KAZN: variants seen among roughly 807,000 people sequenced by gnomAD.
KAZN encodes the protein kazrin, periplakin interacting protein.
A neutral mutation model predicts 87.4 loss-of-function variants in KAZN; 40 were observed. That is an observed-to-expected ratio of 0.46 (90% confidence interval 0.36 to 0.60). The LOEUF is 0.60. Ranked by LOEUF, KAZN falls within the 20% of genes least tolerant of loss-of-function variation. KAZN has a pLI of 0.00. For synonymous variants in KAZN, 466 were observed against 458.3 expected (o/e 1.02, Z -0.22); for missense variants, 898 against 1,073.9 (o/e 0.84, Z 2.29).
chr1:14,841,816 C>T (rs144894843), intron 1 of KAZN, among the ~76,000 whole-genome samples: 5 of 152,308 alleles, frequency 3.3e-5, no homozygotes, highest in South Asian at 2.1e-4. Flanking sequence ...GGCAATGGAT[C>T]GGACCTGCCT....
At chr1:14,165,733 G>A (rs1645811496) in intron 1 of KAZN, among the ~76,000 whole-genome samples, 1 of 152,178 alleles carries the variant, frequency 6.6e-6, no homozygotes, top group African/African-American at 2.4e-5. Flanking sequence ...CCCTGAGCAA[G>A]AACTGTTCCT....
At chr1:14,854,860 A>G (rs559272916) in intron 1 of KAZN, among the ~76,000 whole-genome samples, 81 of 152,340 alleles carry the variant, frequency 5.3e-4, no homozygotes, top group Middle Eastern at 3.4e-3. Flanking sequence ...GGCCGAATTC[A>G]GGATGGCAGA....
intron 3 of KAZN, among the ~76,000 whole-genome samples, chr1:15,037,954 C>T (rs1672506768): frequency 1.3e-5 from 2 of 152,120 alleles, no homozygotes; most frequent in Middle Eastern, 3.2e-3. Context: ...GAGGACAGAT[C>T]AGGATTTAGA....
intron 1 of KAZN, among the ~76,000 whole-genome samples, chr1:14,013,491 G>T (rs984574648): frequency 3.3e-5 from 5 of 152,066 alleles, no homozygotes; most frequent in Non-Finnish European, 7.4e-5. Flanking sequence ...TTTTCCCTTG[G>T]TAGCAGCAAG....
chr1:14,899,252 G>T (rs1182951603), intron 1 of KAZN, among the ~76,000 whole-genome samples: 3 of 152,228 alleles, frequency 2.0e-5, no homozygotes, highest in Non-Finnish European at 4.4e-5. Context: ...GAGGATGAGG[G>T]TGCCTGGAGA....
At chr1:13,993,832 T>G (rs1461188467) in intron 1 of KAZN, among the ~76,000 whole-genome samples, 2 of 152,166 alleles carry the variant, frequency 1.3e-5, no homozygotes, top group South Asian at 2.1e-4. Context: ...TTCTCAAGCT[T>G]TACAATACTG....
chr1:14,297,475 A>G (rs1034431054), intron 2 of KAZN, among the ~76,000 whole-genome samples: 4 of 152,154 alleles, frequency 2.6e-5, no homozygotes, highest in Admixed American at 2.6e-4. Flanking sequence ...AGAGACAGGC[A>G]AAGGAGAAGA....
intron 2 of KAZN, among the ~76,000 whole-genome samples, chr1:14,407,002 T>G (rs1362806373): frequency 6.6e-6 from 1 of 152,226 alleles, no homozygotes; most frequent in Non-Finnish European, 1.5e-5. Context: ...ATTTCCAGTT[T>G]CGCAAGTCAT....
intron 2 of KAZN, among the ~76,000 whole-genome samples, chr1:14,318,477 G>T (rs1655809350): frequency 6.6e-6 from 1 of 151,918 alleles, no homozygotes; most frequent in Non-Finnish European, 1.5e-5. Context: ...CTGCTTTTAA[G>T]ATTTTTCCCT....
At chr1:14,478,160 T>C (rs1668858005) in intron 2 of KAZN, among the ~76,000 whole-genome samples, 1 of 150,208 alleles carries the variant, frequency 6.7e-6, no homozygotes, top group African/African-American at 2.5e-5. Context: ...ACAAGAAAAA[T>C]CCCTAGGACT....
intron 1 of KAZN, among the ~76,000 whole-genome samples, chr1:14,160,514 C>T (rs1299207809): frequency 6.6e-6 from 1 of 152,248 alleles, no homozygotes; most frequent in East Asian, 1.9e-4. Context: ...TTTTTCCTAC[C>T]TCTTTAGCAC....
intron 1 of KAZN, among the ~76,000 whole-genome samples, chr1:14,707,182 G>C (rs897194162): frequency 6.6e-6 from 1 of 152,194 alleles, no homozygotes; most frequent in East Asian, 1.9e-4. Context: ...AAACTATGAC[G>C]GTGAGGTCTG....
At chr1:15,030,886 C>G (rs542513216) in intron 2 of KAZN, among the ~76,000 whole-genome samples, 62 of 152,358 alleles carry the variant, frequency 4.1e-4, no homozygotes, top group Non-Finnish European at 5.9e-4. Flanking sequence ...GGAATTTAAA[C>G]AGCTGCCTGA....
chr1:14,449,432 A>T (rs999370747), intron 2 of KAZN, among the ~76,000 whole-genome samples: 1 of 152,204 alleles, frequency 6.6e-6, no homozygotes, highest in Non-Finnish European at 1.5e-5. Context: ...AGAAACCTGG[A>T]TGATGCTCTT....
At chr1:14,605,100 C>G (rs1408981318) in intron 1 of KAZN, among the ~76,000 whole-genome samples, 1 of 152,200 alleles carries the variant, frequency 6.6e-6, no homozygotes, top group African/African-American at 2.4e-5. Flanking sequence ...TTGCATACCT[C>G]ACTATTATTA....
chr1:14,254,023 T>G (rs939181895), intron 2 of KAZN, among the ~76,000 whole-genome samples: 10 of 152,040 alleles, frequency 6.6e-5, no homozygotes, highest in African/African-American at 2.4e-4. Context: ...TTATGAAATG[T>G]CTTAACTGTT....
intron 2 of KAZN, among the ~76,000 whole-genome samples, chr1:14,445,944 C>A (rs1666961454): frequency 1.3e-5 from 2 of 152,028 alleles, no homozygotes; most frequent in Admixed American, 1.3e-4. Flanking sequence ...AGCCTGTAAC[C>A]CTGCACTTTG....
intron 1 of KAZN, among the ~76,000 whole-genome samples, chr1:13,921,789 A>G (rs7527178): frequency 0.2 from 30,614 of 151,706 alleles, 4,328 homozygotes; most frequent in African/African-American, 0.4. Flanking sequence ...CCGCCACCAC[A>G]CCTGGCTAAT....
chr1:14,421,169 A>G (rs754849892), intron 2 of KAZN, among the ~76,000 whole-genome samples: 10 of 152,242 alleles, frequency 6.6e-5, no homozygotes, highest in Admixed American at 2.0e-4. Flanking sequence ...GTGTGTAATC[A>G]ATTTGTATCA....
Sources: allele counts gnomAD v4.1 joint callset (sites outside exome capture counted in the v4.1 genomes callset), GRCh38; gene constraint gnomAD v4.1.1; transcripts MANE v1.5; gene names NCBI Gene and HGNC (gene_info 2026-07-23, HGNC 2026-07-21).